CTNNA2: variants seen among roughly 807,000 people sequenced by gnomAD.
CTNNA2 encodes the protein catenin alpha-2.
CTNNA2 carries 42 observed loss-of-function variants against 101.0 expected under a neutral mutation model. The observed-to-expected ratio is 0.42, with a 90% confidence interval of 0.32 to 0.54. CTNNA2 has a LOEUF of 0.54. Among genes scored for constraint, CTNNA2 ranks in the 20% least tolerant of loss-of-function variants. The pLI is 0.14. For missense variants in CTNNA2, 871 were observed against 1,223.1 expected, an observed-to-expected ratio of 0.71 and a Z score of 4.29; for synonymous variants, 450 against 456.4, an observed-to-expected ratio of 0.99 and a Z score of 0.18.
intron 1 of CTNNA2, among the ~76,000 whole-genome samples, chr2:79,603,003 T>C (rs1218055945): frequency 6.6e-6 from 1 of 152,168 alleles, no homozygotes; most frequent in Non-Finnish European, 1.5e-5. Flanking sequence ...TAGTCAAAAT[T>C]TACTTTTCTC....
At chr2:80,326,270 A>T (rs1679233537) in intron 7 of CTNNA2, among the ~76,000 whole-genome samples, 1 of 152,222 alleles carries the variant, frequency 6.6e-6, no homozygotes, top group Non-Finnish European at 1.5e-5. Context: ...ATGCTGAAAT[A>T]ATAACACACT....
intron 7 of CTNNA2, among the ~76,000 whole-genome samples, chr2:80,142,040 G>C (rs62140128): frequency 0.047 from 7,074 of 152,100 alleles, 196 homozygotes; most frequent in South Asian, 0.087. Flanking sequence ...TTCCTGAGGG[G>C]CCTGGAGGTC....
intron 7 of CTNNA2, among the ~76,000 whole-genome samples, chr2:79,928,413 C>T: frequency 6.6e-6 from 1 of 152,214 alleles, no homozygotes; most frequent in East Asian, 1.9e-4. Flanking sequence ...CTGACTGTAC[C>T]TTCAAGGAAA....
intron 7 of CTNNA2, among the ~76,000 whole-genome samples, chr2:80,081,325 C>G (rs1477452871): frequency 6.6e-6 from 1 of 151,464 alleles, no homozygotes; most frequent in Non-Finnish European, 1.5e-5. Flanking sequence ...TGTCAATTCC[C>G]AGCAGCTCAT....
At chr2:80,516,676 G>T (rs1020895523) in intron 9 of CTNNA2, among the ~76,000 whole-genome samples, 4 of 152,192 alleles carry the variant, frequency 2.6e-5, no homozygotes, top group African/African-American at 9.7e-5. Context: ...TATACCCTGA[G>T]AAAACAGGAT....
chr2:79,731,753 T>C (rs1687209734), intron 2 of CTNNA2, among the ~76,000 whole-genome samples: 3 of 152,076 alleles, frequency 2.0e-5, no homozygotes, highest in South Asian at 4.1e-4. Context: ...ATTTGAGATA[T>C]CTTTAAAGCA....
intron 7 of CTNNA2, among the ~76,000 whole-genome samples, chr2:80,075,604 T>G (rs1249285149): frequency 9.4e-6 from 1 of 106,940 alleles, no homozygotes; most frequent in Admixed American, 1.1e-4. Context: ...ATATAAATAT[T>G]TATACATGTA....
rs199727460 is a variant in CTNNA2, at chr2:80,303,802, G to T, written c.1057-89409G>T. On this transcript the variant is annotated intron_variant, in intron 7 of 18. Coordinates refer to ENST00000402739, the MANE Select transcript of CTNNA2 (RefSeq NM_001282597.3). This position sits in a 1 kb window ranked among gnomAD's most constrained non-coding sequence, Gnocchi z 7.7. ...TCAGCAGCCAGTATAGACAGAGACC[G>T]AGCAGCAGGAAATCCATTAGCGAGA... 3.7e-5 allele frequency: 56 copies of T among 1,513,644 alleles called. No homozygotes were observed. The highest frequency in any genetic ancestry group is 4.8e-5 in the Non-Finnish European group (54 of 1,131,654). The allele number at this position is 1,513,644 out of a possible 1,614,324, so 93.8% of individuals were successfully genotyped here.
intron 6 of CTNNA2, among the ~76,000 whole-genome samples, chr2:79,894,733 A>G (rs1461564075): frequency 6.6e-6 from 1 of 152,094 alleles, no homozygotes; most frequent in Non-Finnish European, 1.5e-5. Flanking sequence ...TATTCCTTCT[A>G]TGCTACTATT....
intron 6 of CTNNA2, among the ~76,000 whole-genome samples, chr2:79,876,714 C>T (rs187787534): frequency 2.0e-5 from 3 of 152,260 alleles, no homozygotes; most frequent in African/African-American, 2.4e-5. Context: ...ATGTAACAAC[C>T]GATGCGTCAG....
intron 2 of CTNNA2, among the ~76,000 whole-genome samples, chr2:79,675,554 C>T (rs930382311): frequency 3.8e-4 from 58 of 152,252 alleles, no homozygotes; most frequent in African/African-American, 1.2e-3. Context: ...TTGCACAGAA[C>T]GCAGTTTTAA....
chr2:80,534,550 A>T (rs1382355424), intron 9 of CTNNA2, among the ~76,000 whole-genome samples: 1 of 152,194 alleles, frequency 6.6e-6, no homozygotes, highest in Non-Finnish European at 1.5e-5. Flanking sequence ...GGGGTAAAGT[A>T]GGGATTCTGT....
chr2:79,841,572 G>A (rs1250912462), intron 3 of CTNNA2, among the ~76,000 whole-genome samples: 1 of 152,120 alleles, frequency 6.6e-6, no homozygotes, highest in South Asian at 2.1e-4. Context: ...GTCTAAATTA[G>A]TGGGCACACG....
At chr2:80,355,584 C>A (rs1673705280) in intron 7 of CTNNA2, among the ~76,000 whole-genome samples, 1 of 152,136 alleles carries the variant, frequency 6.6e-6, no homozygotes, top group Non-Finnish European at 1.5e-5. Flanking sequence ...TGGGTTTTGG[C>A]TACACGCTGC....
intron 7 of CTNNA2, among the ~76,000 whole-genome samples, chr2:80,090,170 G>C (rs867210856): frequency 1.5e-3 from 220 of 150,566 alleles, no homozygotes; most frequent in South Asian, 8.7e-3. Context: ...GTGTGTGTGT[G>C]TGTGTGTGTG....
At chr2:79,592,062 C>A (rs1314467672) in intron 1 of CTNNA2, among the ~76,000 whole-genome samples, 1 of 150,736 alleles carries the variant, frequency 6.6e-6, no homozygotes, top group Non-Finnish European at 1.5e-5. Context: ...CTTACTTAGT[C>A]TCACTCACAC....
intron 1 of CTNNA2, among the ~76,000 whole-genome samples, chr2:79,645,035 T>C (rs1361371630): frequency 6.6e-6 from 1 of 151,980 alleles, no homozygotes; most frequent in Non-Finnish European, 1.5e-5. Context: ...CAGACTGGAG[T>C]GCAATGGCAT....
chr2:79,376,198 G>A (rs1315984530), intron 4 of CTNNA2, among the ~76,000 whole-genome samples: 1 of 152,102 alleles, frequency 6.6e-6, no homozygotes, highest in African/African-American at 2.4e-5. Context: ...GAGTTAAGGT[G>A]CAGCAGACAC....
intron 2 of CTNNA2, among the ~76,000 whole-genome samples, chr2:79,227,175 C>T (rs1674427509): frequency 6.6e-6 from 1 of 151,992 alleles, no homozygotes; most frequent in Non-Finnish European, 1.5e-5. Flanking sequence ...ATGCTCTTGA[C>T]AGGGATTGGA....
Sources: gnomAD v4.1 joint callset for allele counts (sites outside exome capture counted in the v4.1 genomes callset) on GRCh38, gnomAD v4.1.1 for gene constraint, Gnocchi (gnomAD v3.1) non-coding constraint, MANE v1.5 for transcripts, NCBI Gene and HGNC (gene_info 2026-07-23, HGNC 2026-07-21) for gene names.